The following ZNF277 variants were observed in gnomAD, a reference collection of about 807,000 sequenced individuals.
The protein encoded by ZNF277 is zinc finger protein 277.
Under a neutral mutation model 60.7 loss-of-function variants are expected in ZNF277, and 55 were observed. That is an observed-to-expected ratio of 0.91 (90% CI 0.73 to 1.13). The LOEUF is 1.13. Ranked by LOEUF, ZNF277 falls within the 50% of genes most tolerant of loss-of-function variation. The probability of loss-of-function intolerance (pLI) is 0.00; values close to 1 mark genes in which losing one functional copy is unlikely to be tolerated. For synonymous variants in ZNF277, 178 were observed against 179.3 expected (o/e 0.99, Z 0.06); for missense variants, 510 against 523.0 (o/e 0.98, Z 0.24).
chr7:112,305,998 A>C (rs1792580436), intron 4 of ZNF277, among the ~76,000 whole-genome samples: 1 of 152,126 alleles, frequency 6.6e-6, no homozygotes, highest in African/African-American at 2.4e-5. Flanking sequence ...GTACTTTGTG[A>C]TACCTTTGTA....
intron 1 of ZNF277, among the ~76,000 whole-genome samples, chr7:112,223,678 A>G (rs1435684322): frequency 6.6e-6 from 1 of 152,202 alleles, no homozygotes; most frequent in Non-Finnish European, 1.5e-5. Context: ...GCTCCCACAA[A>G]GGCGCTTTTG....
At chr7:112,249,152 T>G (rs1791145731) in intron 1 of ZNF277, among the ~76,000 whole-genome samples, 1 of 152,192 alleles carries the variant, frequency 6.6e-6, no homozygotes, top group African/African-American at 2.4e-5. Flanking sequence ...GTTCAACTGT[T>G]CTGAGCTGTT....
At chr7:112,303,687 G>T (rs1792530472) in intron 4 of ZNF277, among the ~76,000 whole-genome samples, 1 of 151,854 alleles carries the variant, frequency 6.6e-6, no homozygotes, top group African/African-American at 2.4e-5. Flanking sequence ...AGTTTCTTGT[G>T]TGTTTAACTC....
chr7:112,272,957 A>G (rs1406105550), intron 1 of ZNF277, among the ~76,000 whole-genome samples: 2 of 152,006 alleles, frequency 1.3e-5, no homozygotes, highest in African/African-American at 2.4e-5. Context: ...GGGTGAGATG[A>G]TATTCATTGT....
At chr7:112,293,561 T>G (rs1366886506) in intron 2 of ZNF277, among the ~76,000 whole-genome samples, 1 of 142,764 alleles carries the variant, frequency 7.0e-6, no homozygotes, top group Admixed American at 7.1e-5. Context: ...GCCTGGGCAA[T>G]AGAGCCAGAT....
intron 1 of ZNF277, among the ~76,000 whole-genome samples, chr7:112,237,527 C>A (rs909316422): frequency 1.3e-5 from 2 of 152,052 alleles, no homozygotes; most frequent in Admixed American, 6.6e-5. Context: ...GGAGAAATTA[C>A]AGCTGATACC....
At chr7:112,247,600 GCACCTATCATGTTATATGA>G (rs1230307131) in intron 1 of ZNF277, among the ~76,000 whole-genome samples, 1 of 152,136 alleles carries the variant, frequency 6.6e-6, no homozygotes, top group Non-Finnish European at 1.5e-5. Context: ...GAATCATTGA[GCACCTATCATGTTATATGA>G]CTAAATGTTT....
chr7:112,268,579 A>G (rs992634334), intron 1 of ZNF277, among the ~76,000 whole-genome samples: 2 of 151,982 alleles, frequency 1.3e-5, no homozygotes, highest in East Asian at 3.8e-4. Flanking sequence ...TGATTTTATA[A>G]CACAAGAAGT....
chr7:112,221,305 C>G (rs1353145108), intron 1 of ZNF277, among the ~76,000 whole-genome samples: 2 of 152,108 alleles, frequency 1.3e-5, no homozygotes, highest in Non-Finnish European at 2.9e-5. Flanking sequence ...GATTCCATTC[C>G]TTGGAATCCC....
chr7:112,270,761 T>C (rs1456930781), intron 1 of ZNF277, among the ~76,000 whole-genome samples: 1 of 152,158 alleles, frequency 6.6e-6, no homozygotes, highest in African/African-American at 2.4e-5. Context: ...ATTTTTTAAC[T>C]CTTACTCTAC....
chr7:112,266,471 A>C (rs540427109), intron 1 of ZNF277, among the ~76,000 whole-genome samples: 1 of 152,124 alleles, frequency 6.6e-6, no homozygotes, highest in East Asian at 1.9e-4. Context: ...TAAGATTGCT[A>C]TATAGTTACT....
At chr7:112,318,382 C>G in intron 5 of ZNF277, 109 bp downstream of exon 5, 2 of 907,048 alleles carry the variant, frequency 2.2e-6, no homozygotes, top group Non-Finnish European at 1.7e-6. Flanking sequence ...GCTCAGGACC[C>G]TTTCGTATAT....
intron 7 of ZNF277, among the ~76,000 whole-genome samples, chr7:112,333,929 G>C (rs562712167): frequency 6.6e-6 from 1 of 152,240 alleles, no homozygotes; most frequent in South Asian, 2.1e-4. Flanking sequence ...TAACATCGAG[G>C]CTTCAGCTAC....
At chr7:112,301,392 T>G (rs1487115344) in intron 4 of ZNF277, among the ~76,000 whole-genome samples, 3 of 152,202 alleles carry the variant, frequency 2.0e-5, no homozygotes, top group Non-Finnish European at 4.4e-5. Flanking sequence ...CAGTGTCTTT[T>G]CCCTAAATTG....
chr7:112,209,987 G>A (rs1024298315), intron 1 of ZNF277, among the ~76,000 whole-genome samples: 1 of 152,000 alleles, frequency 6.6e-6, no homozygotes, highest in Non-Finnish European at 1.5e-5. Flanking sequence ...TCACATACCC[G>A]GGCCTGTCGT....
chr7:112,210,652 A>G (rs1265665727), intron 1 of ZNF277, among the ~76,000 whole-genome samples: 1 of 151,508 alleles, frequency 6.6e-6, no homozygotes, highest in African/African-American at 2.4e-5. Context: ...TTATATTTTT[A>G]GTAGAGACAG....
intron 1 of ZNF277, among the ~76,000 whole-genome samples, chr7:112,243,275 G>T (rs1791002486): frequency 6.6e-6 from 1 of 151,952 alleles, no homozygotes; most frequent in African/African-American, 2.4e-5. Flanking sequence ...TCTAGGCAAA[G>T]AATTCATGAC....
chr7:112,295,880 A>T lies in ZNF277; in HGVS notation c.305A>T (p.Tyr102Phe), dbSNP rs1411068194. Reference protein sequence around the residue: ...LVADFQRYILYWRKRFTEQPI... With the variant: ...LVADFQRYILFWRKRFTEQPI... ...TATGTTGTTCTAAGGTACATTTTAT[A>T]TTGGAGGAAAAGGTTCACTGAACAG... Residue 102 changes from tyrosine to phenylalanine, a missense_variant, in exon 3 of 12, where the codon TAT (tyrosine) becomes TTT (phenylalanine). Coordinates refer to ENST00000361822, the MANE Select transcript of ZNF277 (RefSeq NM_021994.3). 1.2e-6 allele frequency: 2 copies of T among 1,611,566 alleles called. No individual in the cohort carries two copies. The highest frequency in any genetic ancestry group is 1.7e-4 in the Middle Eastern group (1 of 6,044).
chr7:112,330,264 C>T, intron 7 of ZNF277, 48 bp downstream of exon 7: 1 of 1,587,478 alleles, frequency 6.3e-7, no homozygotes, highest in Non-Finnish European at 8.6e-7. Context: ...GTACTGCAAA[C>T]AAAATCTTTC....
Sources: allele counts gnomAD v4.1 joint callset (sites outside exome capture counted in the v4.1 genomes callset), GRCh38; gene constraint gnomAD v4.1.1; transcripts MANE v1.5; gene names NCBI Gene and HGNC (gene_info 2026-07-23, HGNC 2026-07-21).